The following PTPN12 variants were observed in gnomAD, a reference collection of about 807,000 sequenced individuals.
PTPN12 encodes tyrosine-protein phosphatase non-receptor type 12.
A neutral mutation model predicts 97.6 loss-of-function variants in PTPN12; 29 were observed. That is an observed-to-expected ratio of 0.30 (90% CI 0.22 to 0.41). The LOEUF (loss-of-function observed/expected upper bound fraction) is 0.41. Among genes scored for constraint, PTPN12 ranks in the 10% least tolerant of loss-of-function variants. The pLI is 1.00. For missense variants in PTPN12, 819 were observed against 926.0 expected (o/e 0.88, Z 1.50); for synonymous variants, 327 against 300.4 (o/e 1.09, Z -0.91).
intron 11 of PTPN12, among the ~76,000 whole-genome samples, chr7:77,618,204 TG>T (rs1221615949): frequency 6.6e-6 from 1 of 152,158 alleles, no homozygotes; most frequent in East Asian, 1.9e-4. Context: ...TTGGGGAATC[TG>T]TTTTTTTACG....
intron 1 of PTPN12, chr7:77,563,990 A>G (rs923069403): frequency 7.2e-6 from 3 of 414,380 alleles, no homozygotes; most frequent in East Asian, 8.2e-5. Context: ...GCTCACTGCA[A>G]CCTCAGCCTC....
At chr7:77,572,216 T>A (rs1292693472) in intron 2 of PTPN12, among the ~76,000 whole-genome samples, 1 of 151,950 alleles carries the variant, frequency 6.6e-6, no homozygotes. Flanking sequence ...TACCTTAGCC[T>A]CCTGAGAGCT....
chr7:77,625,828 C>T (rs1170229937), intron 12 of PTPN12, among the ~76,000 whole-genome samples: 1 of 151,850 alleles, frequency 6.6e-6, no homozygotes, highest in African/African-American at 2.4e-5. Flanking sequence ...CCTTGGCCTC[C>T]CAAAGTGCTG....
At chr7:77,560,823 A>G (rs2151307915) in intron 1 of PTPN12, among the ~76,000 whole-genome samples, 1 of 151,502 alleles carries the variant, frequency 6.6e-6, no homozygotes, top group East Asian at 1.9e-4. Context: ...GGTTGCTTCC[A>G]CCTTTTGGCT....
Position 77,537,563 on chromosome 7 carries a change from T to C in PTPN12, c.17T>C (p.Ile6Thr). ...CGCGGGAGGATGGAGCAAGTGGAGA[T>C]CCTGAGGAAATTCATCCAGAGGGTC... MEQVE[I>T]LRKFIQRVQA... The change falls in exon 1 of 18, where the codon ATC becomes ACC. Residue 6 changes from isoleucine to threonine, a missense_variant. Transcript: ENST00000248594. The C allele has an allele frequency of 6.3e-7, 1 of 1,598,118 alleles. No homozygotes were observed. The highest frequency in any genetic ancestry group is 1.4e-5 in the African/African-American group (1 of 72,890).
rs186273616 is a variant in PTPN12, at chr7:77,570,481, G to T, written c.100-597G>T. Among the ~76,000 whole-genome samples, 6 of 152,316 alleles carry T rather than the reference G, an allele frequency of 3.9e-5. No homozygotes were observed. The East Asian group carries it at 9.6e-4, about 24-fold the overall frequency. On this transcript the variant is annotated intron_variant, in intron 1 of 17. Transcript: ENST00000248594. ...GCAGGAAGTGTATTACTGACACGCA[G>T]AAATATTCCAGCCCAAAGAACATCC...
chr7:77,604,209 CTTTT>C (rs71082768), intron 8 of PTPN12, among the ~76,000 whole-genome samples: 65 of 52,794 alleles, frequency 1.2e-3, no homozygotes, highest in Non-Finnish European at 1.9e-3. Flanking sequence ...TTTTTTCTTC[CTTTT>C]TTTTTTTTTT....
At chr7:77,613,180 T>C (rs1311313841) in intron 11 of PTPN12, among the ~76,000 whole-genome samples, 2 of 136,732 alleles carry the variant, frequency 1.5e-5, no homozygotes, top group Admixed American at 7.3e-5. Flanking sequence ...TTTTTTTTTT[T>C]TTTTTTTTTT....
intron 1 of PTPN12, chr7:77,538,158 A>G: frequency 1.0e-6 from 1 of 967,574 alleles, no homozygotes; most frequent in Non-Finnish European, 1.2e-6. Context: ...CAAAGCGGGC[A>G]GGGTAGGACT....
chr7:77,626,033 G>A (rs1465815039), intron 12 of PTPN12, among the ~76,000 whole-genome samples: 1 of 152,152 alleles, frequency 6.6e-6, no homozygotes, highest in Non-Finnish European at 1.5e-5. Flanking sequence ...GTCCACACTG[G>A]AGCAGGAGGC....
intron 12 of PTPN12, among the ~76,000 whole-genome samples, chr7:77,623,152 C>A (rs1282809916): frequency 6.6e-6 from 1 of 152,044 alleles, no homozygotes; most frequent in African/African-American, 2.4e-5. Context: ...TTTTAAGTTA[C>A]ATTATGAAAT....
At chr7:77,566,520 G>A (rs1808263511) in intron 1 of PTPN12, among the ~76,000 whole-genome samples, 3 of 152,046 alleles carry the variant, frequency 2.0e-5, no homozygotes, top group Non-Finnish European at 4.4e-5. Flanking sequence ...CCAGGAGTTC[G>A]AGACCAGCCT....
At chr7:77,596,230 C>G (rs532999048) in intron 6 of PTPN12, among the ~76,000 whole-genome samples, 3 of 151,834 alleles carry the variant, frequency 2.0e-5, no homozygotes, top group Admixed American at 2.0e-4. Flanking sequence ...ATGTTTTTTT[C>G]TTTACTGTCT....
At chr7:77,615,655 A>G (rs1046603913) in intron 11 of PTPN12, among the ~76,000 whole-genome samples, 4 of 152,146 alleles carry the variant, frequency 2.6e-5, no homozygotes, top group Admixed American at 1.3e-4. Flanking sequence ...GGAGGCTGAG[A>G]TGGAAGGATT....
chr7:77,564,141 A>C (rs1446650852), intron 1 of PTPN12: 7 of 196,310 alleles, frequency 3.6e-5, no homozygotes, highest in Non-Finnish European at 7.6e-5. Flanking sequence ...GGCCTCCTAA[A>C]GTGCTGGGAT....
intron 1 of PTPN12, among the ~76,000 whole-genome samples, chr7:77,540,373 G>A (rs1484741342): frequency 6.6e-6 from 1 of 151,840 alleles, no homozygotes; most frequent in African/African-American, 2.4e-5. Context: ...GAGTAGCTGA[G>A]ATTACAGGCG....
rs1450067833 is a variant in PTPN12 at position 77,604,238 on chromosome 7, C to T, written c.696-2997C>T. ...TTTTTTTTTTTTTTTTTTTTTGAGA[C>T]GGAGTCTTGGGCTGTCGCCTGGGCT... is the stretch of plus-strand genomic sequence containing the variant. On this transcript the variant is annotated intron_variant, in intron 8 of 17. Coordinates refer to ENST00000248594, the MANE Select transcript of PTPN12 (RefSeq NM_002835.4). Among the ~76,000 whole-genome samples the T allele has an allele frequency of 2.0e-3, 108 of 52,964 alleles. 1 individual carries two copies. The highest frequency in any genetic ancestry group is 7.8e-3 in the African/African-American group (107 of 13,636). The allele number at this position is 52,964 out of a possible 152,430, so 34.7% of individuals were successfully genotyped here. A position where few individuals can be genotyped will look rare whatever the true frequency, so the allele number is the denominator to read the frequency against.
chr7:77,612,850 CA>C (rs2151378526), intron 11 of PTPN12, among the ~76,000 whole-genome samples: 1 of 147,848 alleles, frequency 6.8e-6, no homozygotes, highest in East Asian at 2.0e-4. Context: ...TGCAGTGGCG[CA>C]ACCTCTGCCT....
intron 1 of PTPN12, chr7:77,538,201 C>A: frequency 1.6e-6 from 1 of 608,390 alleles, no homozygotes; most frequent in Non-Finnish European, 2.1e-6. Context: ...TCATGATCTC[C>A]AACGCTTGGG....
Sources: gnomAD v4.1 joint callset for allele counts (sites outside exome capture counted in the v4.1 genomes callset) on GRCh38, gnomAD v4.1.1 for gene constraint, MANE v1.5 for transcripts, NCBI Gene and HGNC (gene_info 2026-07-23, HGNC 2026-07-21) for gene names.